The following HERC3 variants were observed in gnomAD, a reference collection of about 807,000 sequenced individuals.
The protein encoded by HERC3 is HECT and RLD domain containing E3 ubiquitin protein ligase 3.
HERC3 carries 58 observed loss-of-function variants against 129.9 expected under a neutral mutation model. That is an observed-to-expected ratio of 0.45 (90% confidence interval 0.36 to 0.56). The LOEUF is 0.56. Among genes scored for constraint, HERC3 ranks in the 20% least tolerant of loss-of-function variants. HERC3 has a pLI of 0.00. For synonymous variants in HERC3, 430 were observed against 451.0 expected, an observed-to-expected ratio of 0.95 and a Z score of 0.59; for missense variants, 835 against 1,244.2, an observed-to-expected ratio of 0.67 and a Z score of 4.95.
At chr4:88,672,201 G>C (rs1731682634) in intron 16 of HERC3, among the ~76,000 whole-genome samples, 1 of 152,104 alleles carries the variant, frequency 6.6e-6, no homozygotes, top group Non-Finnish European at 1.5e-5. Context: ...CTCTGAAAAA[G>C]AAGTTGCTCA....
At chr4:88,533,604 G>A in the HERC3 span, among the ~76,000 whole-genome samples, 1 of 152,162 alleles carries the variant, frequency 6.6e-6, no homozygotes, top group East Asian at 1.9e-4. Flanking sequence ...GTGAGAAACA[G>A]CATGCCAAAA....
intron 12 of HERC3, 121 bp from the exon 13 acceptor site, chr4:88,667,256 T>A: frequency 2.1e-6 from 1 of 485,556 alleles, no homozygotes; most frequent in Non-Finnish European, 3.7e-6. Flanking sequence ...TTTGTGGATC[T>A]TATCTGCCAG....
chr4:88,697,044 G>A (rs1169694722), intron 23 of HERC3: 2 of 626,122 alleles, frequency 3.2e-6, no homozygotes, highest in Non-Finnish European at 5.2e-6. Flanking sequence ...GAGCTGGCCA[G>A]GATCTAATTG....
At chr4:88,533,011 G>GAAGA in the HERC3 span, among the ~76,000 whole-genome samples, 1 of 152,232 alleles carries the variant, frequency 6.6e-6, no homozygotes. Flanking sequence ...TCTGCAAGCT[G>GAAGA]AAGAGCAAGG....
chr4:88,558,089 A>AG, the HERC3 span, among the ~76,000 whole-genome samples: 57 of 148,388 alleles, frequency 3.8e-4, no homozygotes, highest in African/African-American at 1.1e-3. Context: ...AAAAAAAAAA[A>AG]AAAAAAGAAA....
intron 3 of HERC3, among the ~76,000 whole-genome samples, chr4:88,609,587 C>T (rs1172411004): frequency 2.0e-5 from 3 of 152,150 alleles, no homozygotes; most frequent in African/African-American, 7.2e-5. Flanking sequence ...ATTTCTGAGT[C>T]ACAGTTCCCT....
At chr4:88,542,255 G>T in the HERC3 span, among the ~76,000 whole-genome samples, 2 of 152,012 alleles carry the variant, frequency 1.3e-5, no homozygotes, top group East Asian at 3.9e-4. Context: ...AATGATAAAG[G>T]GGATATCACC....
chr4:88,610,061 A>G (rs1487886971), intron 3 of HERC3, among the ~76,000 whole-genome samples: 1 of 152,098 alleles, frequency 6.6e-6, no homozygotes, highest in Non-Finnish European at 1.5e-5. Flanking sequence ...TTTTGGTTTT[A>G]GTGGGTTTTG....
chr4:88,536,883 A>G, the HERC3 span, among the ~76,000 whole-genome samples: 1 of 152,172 alleles, frequency 6.6e-6, no homozygotes. Context: ...GCTGTCTTCT[A>G]AATTATTTTC....
At chr4:88,662,900 A>G (rs1171267710) in intron 11 of HERC3, among the ~76,000 whole-genome samples, 1 of 152,084 alleles carries the variant, frequency 6.6e-6, no homozygotes, top group Non-Finnish European at 1.5e-5. Flanking sequence ...GCATGTTCCA[A>G]AACATCCCAA....
rs1160415676 is a variant in HERC3 at position 88,662,501 on chromosome 4, C to G, written c.1217C>G (p.Thr406Ser). The change falls in exon 11 of 26, where the codon ACC (threonine) becomes AGC (serine). Residue 406 changes from threonine (T) to serine (S), a missense_variant. Transcript: ENST00000402738. ...TATACCAGTTTAATAAATGATGAAA[C>G]CATAGCAGTTTGGAGACAAAAACTC... Reference protein sequence around the residue: ...AHYTSLINDETIAVWRQKLSE... With the variant: ...AHYTSLINDESIAVWRQKLSE... 1 of 1,613,512 alleles carries G rather than the reference C, an allele frequency of 6.2e-7. No individual in the cohort carries two copies. Among genetic ancestry groups the G allele is most frequent in the Middle Eastern group, 1.7e-4 (1 of 6,042 alleles).
At chr4:88,554,378 T>C in the HERC3 span, among the ~76,000 whole-genome samples, 1 of 146,034 alleles carries the variant, frequency 6.8e-6, no homozygotes. Context: ...ATCCTGGCAA[T>C]ACCAATTATA....
chr4:88,577,854 T>C, the HERC3 span, among the ~76,000 whole-genome samples: 7 of 152,140 alleles, frequency 4.6e-5, no homozygotes, highest in Non-Finnish European at 5.9e-5. Flanking sequence ...ATTCACAGAA[T>C]TGTACTATGA....
At chr4:88,582,230 A>C in the HERC3 span, among the ~76,000 whole-genome samples, 3 of 151,140 alleles carry the variant, frequency 2.0e-5, no homozygotes, top group African/African-American at 7.3e-5. Flanking sequence ...AGCTTTAAAA[A>C]AAATTTTTTT....
At chr4:88,528,375 C>G in the HERC3 span, among the ~76,000 whole-genome samples, 8 of 152,302 alleles carry the variant, frequency 5.3e-5, no homozygotes, top group Admixed American at 6.5e-5. Flanking sequence ...CTTTCACCTA[C>G]TGATGGCAGC....
chr4:88,684,296 C>G (rs1324344938), intron 21 of HERC3, among the ~76,000 whole-genome samples: 1 of 152,040 alleles, frequency 6.6e-6, no homozygotes, highest in African/African-American at 2.4e-5. Context: ...AGAACAGAGA[C>G]CTCAGAAATA....
At chr4:88,529,402 A>G in the HERC3 span, among the ~76,000 whole-genome samples, 1 of 152,222 alleles carries the variant, frequency 6.6e-6, no homozygotes, top group African/African-American at 2.4e-5. Context: ...GGTTACAGTA[A>G]GGTATGATGG....
chr4:88,542,263 A>T, the HERC3 span, among the ~76,000 whole-genome samples: 1 of 152,196 alleles, frequency 6.6e-6, no homozygotes, highest in Non-Finnish European at 1.5e-5. Context: ...AGGGGATATC[A>T]CCACCAATCC....
chr4:88,667,436 G>T lies in HERC3; in HGVS notation c.1391G>T (p.Arg464Met), dbSNP rs1421521069. 6.2e-7 allele frequency: 1 copy of T among 1,610,640 alleles called. No individual in the cohort carries two copies. Among genetic ancestry groups the T allele is most frequent in the Non-Finnish European group, 8.5e-7 (1 of 1,178,084 alleles). Reference protein sequence around the residue: ...KIPGIDLNSTRVLFEKLMNSQ... With the variant: ...KIPGIDLNSTMVLFEKLMNSQ... ...CCTGGGATTGACCTGAACTCAACTA[G>T]GGTGTTATTTGAGAAGTTAATGAAC... The change falls in exon 13 of 26, where the codon AGG becomes ATG. Residue 464 changes from arginine to methionine, a missense_variant. By Grantham distance (91) the Arg-to-Met change is moderately conservative. Coordinates refer to ENST00000402738, the MANE Select transcript of HERC3 (RefSeq NM_014606.3).
Sources: gnomAD v4.1 joint callset for allele counts (sites outside exome capture counted in the v4.1 genomes callset) on GRCh38, gnomAD v4.1.1 for gene constraint, MANE v1.5 for transcripts, NCBI Gene and HGNC (gene_info 2026-07-23, HGNC 2026-07-21) for gene names.